BAG2: variants seen among roughly 807,000 people sequenced by gnomAD.
The protein encoded by BAG2 is BAG family molecular chaperone regulator 2.
In BAG2, 8 loss-of-function variants were observed where a neutral mutation model predicts 16.4. The ratio of observed to expected loss-of-function variants is 0.49; its 90% CI spans 0.29 to 0.88. The LOEUF (loss-of-function observed/expected upper bound fraction) is 0.88, where lower values mean the gene tolerates loss of function less well. Ranked by LOEUF, BAG2 falls within the 40% of genes least tolerant of loss-of-function variation. BAG2 has a pLI of 0.09. For synonymous variants in BAG2, 82 were observed against 89.2 expected (o/e 0.92, Z 0.46); for missense variants, 218 against 248.9 (o/e 0.88, Z 0.84).
chr6:57,185,638 A>ATGC lies in BAG2; in HGVS notation c.*1448_*1449insTGC. 1 of 152,238 alleles carries ATGC rather than the reference A, an allele frequency of 6.6e-6. No individual in the cohort carries two copies. Among genetic ancestry groups the ATGC allele is most frequent in the Admixed American group, 6.5e-5 (1 of 15,286 alleles). 9.4% of individuals were successfully genotyped at this position (152,238 alleles called of 1,614,324 possible). On this transcript the variant is annotated 3_prime_UTR_variant, in exon 3 of 3. Coordinates refer to ENST00000370693, the MANE Select transcript of BAG2 (RefSeq NM_004282.4). Reference sequence around the variant, plus strand: ...TTTAAATCTTTGCATTTCATGGGAAACATTAATTCTATCTATGGCAGAGCC... The same window carrying ATGC: ...TTTAAATCTTTGCATTTCATGGGAAATGCCATTAATTCTATCTATGGCAGAGCC...
chr6:57,174,303 G>C (rs1764216735), intron 1 of BAG2: 1 of 1,302,872 alleles, frequency 7.7e-7, no homozygotes, highest in South Asian at 1.2e-5. Context: ...AGAAAGAAAA[G>C]TTTTCCTAAA....
chr6:57,173,454 G>C, intron 1 of BAG2: 1 of 985,300 alleles, frequency 1.0e-6, no homozygotes, highest in Non-Finnish European at 1.2e-6. Context: ...GGTTCCGTTC[G>C]TCTCTCGGTA....
rs1764556831 is a variant in BAG2 at position 57,184,228 on chromosome 6, G to T, written c.*38G>T. The T allele has an allele frequency of 1.4e-6, 2 of 1,438,948 alleles. No homozygotes were observed. The highest frequency in any genetic ancestry group is 1.4e-5 in the African/African-American group (1 of 69,998). 89.1% of individuals were successfully genotyped at this position (1,438,948 alleles called of 1,614,324 possible). On this transcript the variant is annotated 3_prime_UTR_variant, in exon 3 of 3. Transcript: ENST00000370693. The stretch of plus-strand genomic sequence containing the variant: ...AGAGCATTTACACAATACACAAGGT[G>T]TAAAAATGATAAAATACTATTTTAA...
chr6:57,188,583 T>TAGAG lies in BAG2; in HGVS notation c.*4396_*4399dup, dbSNP rs1383669900. The TAGAG allele has an allele frequency of 4.6e-5, 7 of 151,832 alleles. 1 individual carries two copies. In the East Asian group the frequency reaches 9.7e-4, roughly 21 times the overall value. The allele number at this position is 151,832 out of a possible 1,614,324, so 9.4% of individuals were successfully genotyped here. ...TTTGTGCAAAAATTAAAGAGGAGAGTAGAGAGTAGAAAATTGAAGAGAGTA... is the reference window on the plus strand; with the variant it reads ...TTTGTGCAAAAATTAAAGAGGAGAGTAGAGAGAGAGTAGAAAATTGAAGAGAGTA... On this transcript the variant is annotated 3_prime_UTR_variant, in exon 3 of 3. Coordinates refer to ENST00000370693, the MANE Select transcript of BAG2 (RefSeq NM_004282.4).
chr6:57,184,440 T>G lies in BAG2; in HGVS notation c.*250T>G. On this transcript the variant is annotated 3_prime_UTR_variant, in exon 3 of 3. Transcript: ENST00000370693. Reference sequence around the variant, plus strand: ...TACTAGGATCTAGCATATTTCACTATTCTGTGGATGAATACATAGTTTGTG... The same window carrying G: ...TACTAGGATCTAGCATATTTCACTAGTCTGTGGATGAATACATAGTTTGTG... 1 of 284,866 alleles carries G rather than the reference T, an allele frequency of 3.5e-6. No homozygotes were observed. Among genetic ancestry groups the G allele is most frequent in the Non-Finnish European group, 6.4e-6 (1 of 155,680 alleles). 17.6% of individuals were successfully genotyped at this position (284,866 alleles called of 1,614,324 possible).
intron 1 of BAG2, among the ~76,000 whole-genome samples, chr6:57,181,372 C>G (rs1162036142): frequency 6.6e-6 from 1 of 152,176 alleles, no homozygotes; most frequent in African/African-American, 2.4e-5. Flanking sequence ...GAGTATTATA[C>G]AGCAATTAGC....
At position 57,172,690 on chromosome 6, in the gene BAG2, A is replaced by C. The variant is rs76119740; in HGVS notation, c.-8A>C. 4.0e-3 allele frequency: 6,067 copies of C among 1,531,530 alleles called. 208 individuals are homozygous for C. In the African/African-American group the frequency reaches 0.072, roughly 18 times the overall value. The allele number at this position is 1,531,530 out of a possible 1,614,324, so 94.9% of individuals were successfully genotyped here. The stretch of plus-strand genomic sequence containing the variant: ...TGACCTCTTGGCTACCCCGCGTCGG[A>C]GGCTTAGATGGCTCAGGCGAAGATC... On this transcript the variant is annotated 5_prime_UTR_variant, in exon 1 of 3. Coordinates refer to ENST00000370693, the MANE Select transcript of BAG2 (RefSeq NM_004282.4).
chr6:57,175,003 G>A (rs528346349), intron 1 of BAG2, among the ~76,000 whole-genome samples: 2 of 152,266 alleles, frequency 1.3e-5, no homozygotes, highest in East Asian at 3.9e-4. Flanking sequence ...TGTTTAAAAT[G>A]TTTGGCAGCA....
intron 1 of BAG2, chr6:57,173,160 TG>T: frequency 9.9e-7 from 1 of 1,009,976 alleles, no homozygotes; most frequent in Non-Finnish European, 1.2e-6. Context: ...TGTGGCAGCT[TG>T]GGTCTGCAGA....
At chr6:57,178,520 T>C (rs544678662) in intron 1 of BAG2, among the ~76,000 whole-genome samples, 3 of 152,174 alleles carry the variant, frequency 2.0e-5, no homozygotes, top group Non-Finnish European at 2.9e-5. Context: ...GCTGAAGCAA[T>C]TGGGTTTTGA....
Position 57,186,620 on chromosome 6 carries a change from G to A in BAG2, c.*2430G>A, listed in dbSNP as rs1442474642. The A allele has an allele frequency of 6.6e-6, 1 of 152,102 alleles. No homozygotes were observed. Among genetic ancestry groups the A allele is most frequent in the Non-Finnish European group, 1.5e-5 (1 of 68,018 alleles). 9.4% of individuals were successfully genotyped at this position (152,102 alleles called of 1,614,324 possible). A position where few individuals can be genotyped will look rare whatever the true frequency, so the allele number is the denominator to read the frequency against. On this transcript the variant is annotated 3_prime_UTR_variant, in exon 3 of 3. Transcript: ENST00000370693. ...CATGAGCCACCACGCTTGGCCAATG[G>A]GTTGGTTCTTAACATGTATTTTTAT... is the stretch of plus-strand genomic sequence containing the variant.
At chr6:57,174,095 C>A in intron 1 of BAG2, 1 of 645,286 alleles carries the variant, frequency 1.5e-6, no homozygotes, top group Non-Finnish European at 2.0e-6. Flanking sequence ...TGGATTTTCA[C>A]AATACTGGCA....
chr6:57,182,748 T>G (rs893849234), intron 2 of BAG2, among the ~76,000 whole-genome samples: 2 of 152,128 alleles, frequency 1.3e-5, no homozygotes, highest in African/African-American at 4.8e-5. Flanking sequence ...CCTCCTGGGT[T>G]GAAGCGATTC....
intron 2 of BAG2, among the ~76,000 whole-genome samples, chr6:57,182,401 A>G (rs1764485648): frequency 6.6e-6 from 1 of 152,016 alleles, no homozygotes; most frequent in Non-Finnish European, 1.5e-5. Flanking sequence ...AGCTGGCCCC[A>G]AGCAGTAAGG....
rs1260177657 is a variant in BAG2, at chr6:57,185,047, T to A, written c.*857T>A. ...AACATATTTTTGTACACAGGACTTT[T>A]TCCTTCTTTCATTTTTGTTTTTCTC... On this transcript the variant is annotated 3_prime_UTR_variant, in exon 3 of 3. Coordinates refer to ENST00000370693, the MANE Select transcript of BAG2 (RefSeq NM_004282.4). 1 of 152,212 alleles carries A rather than the reference T, an allele frequency of 6.6e-6. No homozygotes were observed. The highest frequency in any genetic ancestry group is 1.5e-5 in the Non-Finnish European group (1 of 68,030). The allele number at this position is 152,212 out of a possible 1,614,324, so 9.4% of individuals were successfully genotyped here.
intron 1 of BAG2, among the ~76,000 whole-genome samples, chr6:57,179,081 C>CATGA (rs1764366388): frequency 6.6e-6 from 1 of 152,162 alleles, no homozygotes; most frequent in African/African-American, 2.4e-5. Flanking sequence ...ACATGATTCA[C>CATGA]CTGTGTCATT....
chr6:57,177,582 G>A (rs556595837), intron 1 of BAG2, among the ~76,000 whole-genome samples: 24 of 152,264 alleles, frequency 1.6e-4, no homozygotes, highest in African/African-American at 5.5e-4. Flanking sequence ...ATATGCCAGT[G>A]CCAATTCTAG....
intron 1 of BAG2, among the ~76,000 whole-genome samples, chr6:57,176,684 G>C (rs1194700922): frequency 6.6e-6 from 1 of 152,184 alleles, no homozygotes; most frequent in Non-Finnish European, 1.5e-5. Context: ...GATGGGGTTG[G>C]GGGTGATAGG....
Position 57,189,203 on chromosome 6 carries a change from A to AATG in BAG2, c.*5016_*5018dup, listed in dbSNP as rs1764734803. ...ACATATTAAATCATTTTGTAAAAGA[A>AATG]ATGATTCTGTATGTGGGACTGACAG... is the stretch of plus-strand genomic sequence containing the variant. On this transcript the variant is annotated 3_prime_UTR_variant, in exon 3 of 3. Coordinates refer to ENST00000370693, the MANE Select transcript of BAG2 (RefSeq NM_004282.4). 1 of 152,190 alleles carries AATG rather than the reference A, an allele frequency of 6.6e-6. No homozygotes were observed. The highest frequency in any genetic ancestry group is 1.5e-5 in the Non-Finnish European group (1 of 68,032). 9.4% of individuals were successfully genotyped at this position (152,190 alleles called of 1,614,324 possible). A position where few individuals can be genotyped will look rare whatever the true frequency, so the allele number is the denominator to read the frequency against.
Sources: allele counts gnomAD v4.1 joint callset (sites outside exome capture counted in the v4.1 genomes callset), GRCh38; gene constraint gnomAD v4.1.1; transcripts MANE v1.5; gene names NCBI Gene and HGNC (gene_info 2026-07-23, HGNC 2026-07-21).